Variants in SLC39A11 observed in about 807,000 individuals in gnomAD.
SLC39A11 encodes solute carrier family 39 member 11.
In SLC39A11, 33 loss-of-function variants were observed where a neutral mutation model predicts 36.1. The observed-to-expected ratio is 0.91, with a 90% CI of 0.69 to 1.22. The LOEUF is 1.22. Ranked by LOEUF, SLC39A11 falls within the 50% of genes most tolerant of loss-of-function variation. SLC39A11 has a pLI of 0.00. For missense variants in SLC39A11, 432 were observed against 430.3 expected, an observed-to-expected ratio of 1.00 and a Z score of -0.03; for synonymous variants, 166 against 170.3, an observed-to-expected ratio of 0.97 and a Z score of 0.20.
intron 3 of SLC39A11, among the ~76,000 whole-genome samples, chr17:73,054,038 AGCT>A (rs1035607442): frequency 2.6e-5 from 4 of 152,172 alleles, no homozygotes; most frequent in Non-Finnish European, 4.4e-5. Flanking sequence ...GGAAAAATCA[AGCT>A]GAGCTGAGAG....
rs377586695 is a variant in SLC39A11, at chr17:72,954,501, G to C, written c.307-6626C>G. 7.9e-5 allele frequency among the ~76,000 whole-genome samples: 12 copies of C among 152,174 alleles called. 1 individual carries two copies. The highest frequency in any genetic ancestry group is 7.7e-4 in the East Asian group (4 of 5,188). On this transcript the variant is annotated intron_variant, in intron 4 of 9. Coordinates refer to ENST00000255559, the MANE Select transcript of SLC39A11 (RefSeq NM_139177.4). The stretch of plus-strand genomic sequence containing the variant: ...GCAGTTGCCAGGGAAGGGGCTGGCG[G>C]GTGGCCTGCCTGGGGCCCAGCATAG...
intron 7 of SLC39A11, among the ~76,000 whole-genome samples, chr17:72,658,588 C>T (rs932942222): frequency 6.6e-6 from 1 of 152,196 alleles, no homozygotes; most frequent in Admixed American, 6.5e-5. Flanking sequence ...TGGAGGTCGC[C>T]TGGCTCAATG....
intron 7 of SLC39A11, among the ~76,000 whole-genome samples, chr17:72,678,950 T>A (rs1426094817): frequency 3.9e-5 from 6 of 152,136 alleles, no homozygotes; most frequent in Non-Finnish European, 8.8e-5. Flanking sequence ...ATAAAAAGAA[T>A]GAGATCGTGT....
At chr17:72,957,242 C>G (rs2086296075) in intron 4 of SLC39A11, among the ~76,000 whole-genome samples, 1 of 152,308 alleles carries the variant, frequency 6.6e-6, no homozygotes, top group South Asian at 2.1e-4. Context: ...ATCAATGGTA[C>G]TTTTTGTTGG....
At chr17:72,751,231 G>A (rs6501564) in intron 6 of SLC39A11, among the ~76,000 whole-genome samples, 54,777 of 152,018 alleles carry the variant, frequency 0.36, 12,004 homozygotes, top group Non-Finnish European at 0.49. Context: ...CTGGGCGACA[G>A]AGTGAGACTC....
intron 5 of SLC39A11, among the ~76,000 whole-genome samples, chr17:72,914,445 C>A (rs1273360656): frequency 1.3e-5 from 2 of 152,034 alleles, no homozygotes; most frequent in African/African-American, 4.8e-5. Context: ...CTAGAGATGA[C>A]TGAAAGAATA....
At chr17:73,004,147 GAAAGAAAGAAGGAAAA>G (rs1424344926) in intron 4 of SLC39A11, among the ~76,000 whole-genome samples, 2 of 131,930 alleles carry the variant, frequency 1.5e-5, no homozygotes, top group African/African-American at 5.9e-5. Context: ...AAGGAAGAAA[GAAAGAAAGAAGGAAAA>G]AAAGAAAGAA....
chr17:72,832,932 T>C (rs1401629791), intron 6 of SLC39A11, among the ~76,000 whole-genome samples: 1 of 152,182 alleles, frequency 6.6e-6, no homozygotes, highest in African/African-American at 2.4e-5. Flanking sequence ...GGAGGGAGAC[T>C]CATCAGCAGA....
chr17:73,041,589 T>G (rs567612823), intron 3 of SLC39A11, among the ~76,000 whole-genome samples: 1 of 152,240 alleles, frequency 6.6e-6, no homozygotes, highest in Non-Finnish European at 1.5e-5. Flanking sequence ...GAAAAAGTGA[T>G]AGTTTATGTG....
At chr17:72,697,709 C>T (rs2072372958) in intron 7 of SLC39A11, among the ~76,000 whole-genome samples, 3 of 152,132 alleles carry the variant, frequency 2.0e-5, no homozygotes. Context: ...ATGACCTCTG[C>T]TCCATTCTGT....
At chr17:72,740,355 G>A (rs374937663) in intron 6 of SLC39A11, among the ~76,000 whole-genome samples, 90 of 152,088 alleles carry the variant, frequency 5.9e-4, no homozygotes, top group African/African-American at 2.0e-3. Context: ...GTAAGCCACC[G>A]CGCCCGGCCA....
intron 3 of SLC39A11, among the ~76,000 whole-genome samples, chr17:73,051,385 T>C (rs1208402861): frequency 6.6e-6 from 1 of 152,138 alleles, no homozygotes; most frequent in Non-Finnish European, 1.5e-5. Flanking sequence ...TCACAGGTTC[T>C]GTGCAGACAG....
chr17:72,848,720 T>TAAAAAA (rs35460918), intron 6 of SLC39A11, among the ~76,000 whole-genome samples: 1 of 144,324 alleles, frequency 6.9e-6, no homozygotes, highest in South Asian at 2.2e-4. Context: ...GACTCTGTCT[T>TAAAAAA]AAAAAAAAAA....
rs2075812049 is a variant in SLC39A11 at position 72,767,971 on chromosome 17, G to A, written c.602-31252C>T. Among the ~76,000 whole-genome samples, 3 of 151,436 alleles carry A rather than the reference G, an allele frequency of 2.0e-5. No homozygotes were observed. The South Asian group carries it at 6.3e-4, about 32-fold the overall frequency. On this transcript the variant is annotated intron_variant, in intron 6 of 9. Coordinates refer to ENST00000255559, the MANE Select transcript of SLC39A11 (RefSeq NM_139177.4). Reference sequence around the variant, plus strand: ...AGGTTATGCGTTTTTTTCAAAGGCAGTTTGGGTGAAGGGGTGGGGGTGGCT... The same window carrying A: ...AGGTTATGCGTTTTTTTCAAAGGCAATTTGGGTGAAGGGGTGGGGGTGGCT...
intron 4 of SLC39A11, among the ~76,000 whole-genome samples, chr17:72,993,318 A>G (rs1003024598): frequency 2.6e-5 from 4 of 152,254 alleles, no homozygotes; most frequent in African/African-American, 9.6e-5. Context: ...TTTTATGTAA[A>G]TTATACCTCA....
chr17:73,041,009 C>CAAAAAAA lies in SLC39A11; in HGVS notation c.148-9302_148-9296dup, dbSNP rs201482199. 2.6e-4 allele frequency among the ~76,000 whole-genome samples: 36 copies of CAAAAAAA among 140,122 alleles called. No individual in the cohort carries two copies. In the South Asian group the frequency reaches 5.2e-3, roughly 20 times the overall value. 91.9% of individuals were successfully genotyped at this position (140,122 alleles called of 152,430 possible). On this transcript the variant is annotated intron_variant, in intron 3 of 9. Transcript: ENST00000255559. Reference sequence around the variant, plus strand: ...CAAAAAAAAAACAAAAAACAAAAAACAAAAAAAAAAAACAGTATTAACAGT... The same window carrying CAAAAAAA: ...CAAAAAAAAAACAAAAAACAAAAAACAAAAAAAAAAAAAAAAAAACAGTATTAACAGT...
chr17:72,902,210 G>T (rs547719897), intron 5 of SLC39A11, among the ~76,000 whole-genome samples: 1 of 152,108 alleles, frequency 6.6e-6, no homozygotes, highest in African/African-American at 2.4e-5. Context: ...GGTGGAGGTT[G>T]TGGTGATCCG....
intron 6 of SLC39A11, 108 bp from the exon 7 acceptor site, chr17:72,736,827 A>G: frequency 1.1e-6 from 1 of 936,068 alleles, no homozygotes. Flanking sequence ...TGCCAGTCAA[A>G]GAAAATCATC....
intron 3 of SLC39A11, among the ~76,000 whole-genome samples, chr17:73,067,643 G>A (rs1286800930): frequency 6.6e-6 from 1 of 152,026 alleles, no homozygotes; most frequent in South Asian, 2.1e-4. Flanking sequence ...AGGAGCAATG[G>A]GGGTACTATA....
Sources: gnomAD v4.1 joint callset for allele counts (sites outside exome capture counted in the v4.1 genomes callset) on GRCh38, gnomAD v4.1.1 for gene constraint, MANE v1.5 for transcripts, NCBI Gene and HGNC (gene_info 2026-07-23, HGNC 2026-07-21) for gene names.